The following SDK1 variants were observed in gnomAD, a reference collection of about 807,000 sequenced individuals.
SDK1 encodes protein sidekick-1.
A neutral mutation model predicts 245.5 loss-of-function variants in SDK1; 157 were observed. The ratio of observed to expected loss-of-function variants is 0.64; its 90% CI spans 0.56 to 0.73. The LOEUF is 0.73. SDK1 is among the 30% of genes least tolerant of loss of function. The pLI is 0.00. For synonymous variants in SDK1, 1,647 were observed against 1,278.5 expected, an observed-to-expected ratio of 1.29 and a Z score of -6.15; for missense variants, 3,583 against 3,002.3, an observed-to-expected ratio of 1.19 and a Z score of -4.52.
chr7:3,980,926 C>A (rs927294000), intron 13 of SDK1, among the ~76,000 whole-genome samples: 1 of 147,282 alleles, frequency 6.8e-6, no homozygotes, highest in African/African-American at 2.5e-5. Context: ...AGCTACAGAG[C>A]GAGACTCCAT....
chr7:3,364,666 T>G (rs1781042848), intron 1 of SDK1, among the ~76,000 whole-genome samples: 1 of 152,208 alleles, frequency 6.6e-6, no homozygotes, highest in Non-Finnish European at 1.5e-5. Context: ...ATATATTGTC[T>G]TGATTACTAT....
intron 5 of SDK1, among the ~76,000 whole-genome samples, chr7:3,919,933 A>G (rs148512286): frequency 6.6e-6 from 1 of 152,242 alleles, no homozygotes; most frequent in Non-Finnish European, 1.5e-5. Flanking sequence ...CCACTAGAGT[A>G]AGCACCTGGG....
intron 1 of SDK1, among the ~76,000 whole-genome samples, chr7:3,328,523 TA>T (rs994285949): frequency 6.6e-6 from 1 of 152,034 alleles, no homozygotes; most frequent in African/African-American, 2.4e-5. Flanking sequence ...CTTATATATA[TA>T]AAAAAACTTG....
chr7:3,513,054 G>C (rs1782631616), intron 1 of SDK1, among the ~76,000 whole-genome samples: 1 of 152,142 alleles, frequency 6.6e-6, no homozygotes, highest in Admixed American at 6.6e-5. Context: ...CTGGTTTGGA[G>C]AACAGAGACA....
chr7:3,819,254 G>C (rs1226632832), intron 4 of SDK1, among the ~76,000 whole-genome samples: 1 of 150,654 alleles, frequency 6.6e-6, no homozygotes, highest in Non-Finnish European at 1.5e-5. Flanking sequence ...ATGAATTTTG[G>C]CTTAAACCTT....
intron 5 of SDK1, among the ~76,000 whole-genome samples, chr7:3,823,622 A>G (rs1779699958): frequency 6.6e-6 from 1 of 152,228 alleles, no homozygotes; most frequent in Non-Finnish European, 1.5e-5. Context: ...CGAAAAGTAT[A>G]TTGAAAGCTA....
At chr7:3,308,713 C>A (rs1298898937) in intron 1 of SDK1, among the ~76,000 whole-genome samples, 2 of 151,960 alleles carry the variant, frequency 1.3e-5, no homozygotes, top group African/African-American at 4.8e-5. Flanking sequence ...ATGGGCTAGA[C>A]CCTGGGGTCC....
chr7:3,536,213 C>T (rs907470422), intron 1 of SDK1, among the ~76,000 whole-genome samples: 8 of 148,098 alleles, frequency 5.4e-5, no homozygotes, highest in African/African-American at 9.9e-5. Flanking sequence ...CCCGCCACCA[C>T]ACCCAGCTAA....
At chr7:3,690,673 G>C (rs545811592) in intron 4 of SDK1, among the ~76,000 whole-genome samples, 3 of 152,096 alleles carry the variant, frequency 2.0e-5, no homozygotes, top group Non-Finnish European at 4.4e-5. Flanking sequence ...TAAGAAAGCA[G>C]GTCTTCTTTT....
intron 1 of SDK1, among the ~76,000 whole-genome samples, chr7:3,594,555 G>T (rs574375992): frequency 6.6e-6 from 1 of 152,046 alleles, no homozygotes; most frequent in African/African-American, 2.4e-5. Context: ...CATTGCCGCC[G>T]GTCATGTATG....
chr7:3,391,073 A>G (rs1246638365), intron 1 of SDK1, among the ~76,000 whole-genome samples: 4 of 152,192 alleles, frequency 2.6e-5, no homozygotes, highest in Non-Finnish European at 5.9e-5. Context: ...TAAACCTTTT[A>G]TACCAGGTCA....
intron 5 of SDK1, among the ~76,000 whole-genome samples, chr7:3,832,113 G>A (rs1429083248): frequency 6.6e-6 from 1 of 152,018 alleles, no homozygotes; most frequent in Non-Finnish European, 1.5e-5. Flanking sequence ...ATAAACAAGA[G>A]GCCATAAGGT....
At chr7:3,615,648 A>C (rs993234805) in intron 1 of SDK1, among the ~76,000 whole-genome samples, 1 of 151,698 alleles carries the variant, frequency 6.6e-6, no homozygotes, top group East Asian at 1.9e-4. Flanking sequence ...AAGTTGTACA[A>C]GTCAGAGACA....
intron 5 of SDK1, among the ~76,000 whole-genome samples, chr7:3,932,158 T>C (rs190605570): frequency 6.6e-5 from 10 of 152,314 alleles, no homozygotes; most frequent in Admixed American, 6.5e-4. Context: ...TCACCTGCCT[T>C]CCAGTCTATG....
chr7:3,409,890 T>A (rs1779153038), intron 1 of SDK1, among the ~76,000 whole-genome samples: 2 of 152,142 alleles, frequency 1.3e-5, no homozygotes, highest in Admixed American at 6.6e-5. Context: ...ATATATTTGA[T>A]GAGGTGTATA....
At chr7:4,194,259 C>T (rs894732343) in intron 35 of SDK1, among the ~76,000 whole-genome samples, 10 of 147,584 alleles carry the variant, frequency 6.8e-5, no homozygotes, top group Non-Finnish European at 8.9e-5. Context: ...TATGTATGCA[C>T]GTATGTGTAT....
chr7:3,677,356 AT>A (rs1476908244), intron 4 of SDK1, among the ~76,000 whole-genome samples: 12 of 152,206 alleles, frequency 7.9e-5, no homozygotes, highest in Admixed American at 3.9e-4. Context: ...AGACTGGGTA[AT>A]TTATAAAGGA....
At chr7:3,802,702 C>T (rs1779137266) in intron 4 of SDK1, among the ~76,000 whole-genome samples, 1 of 152,086 alleles carries the variant, frequency 6.6e-6, no homozygotes, top group South Asian at 2.1e-4. Context: ...GTAAGTGGAC[C>T]CTACATTAGG....
chr7:4,206,240 TG>T lies in SDK1; in HGVS notation c.5214+251del, dbSNP rs10711123. 1.0e-2 allele frequency among the ~76,000 whole-genome samples: 1,517 copies of T among 152,292 alleles called. 28 individuals carry two copies. The highest frequency in any genetic ancestry group is 0.035 in the African/African-American group (1,453 of 41,562). Reference sequence around the variant, plus strand: ...GTGCCCACCACAAAACAACCCAGGTTGGGGGCCCTTGTTTGTCCACTGGCTT... The same window carrying T: ...GTGCCCACCACAAAACAACCCAGGTTGGGGCCCTTGTTTGTCCACTGGCTT... On this transcript the variant is annotated intron_variant, in intron 36 of 44. Transcript: ENST00000404826.
Sources: gnomAD v4.1 joint callset for allele counts (sites outside exome capture counted in the v4.1 genomes callset) on GRCh38, gnomAD v4.1.1 for gene constraint, MANE v1.5 for transcripts, NCBI Gene and HGNC (gene_info 2026-07-23, HGNC 2026-07-21) for gene names.